MAD1L1: variants seen among roughly 807,000 people sequenced by gnomAD.
The protein encoded by MAD1L1 is mitotic arrest deficient 1 like 1, also known as mitotic spindle assembly checkpoint protein MAD1.
MAD1L1 carries 95 observed loss-of-function variants against 96.9 expected under a neutral mutation model. That is an observed-to-expected ratio of 0.98 (90% CI 0.83 to 1.16). The LOEUF (loss-of-function observed/expected upper bound fraction) is 1.16. MAD1L1 is among the 50% of genes most tolerant of loss of function. The pLI, the probability that MAD1L1 is intolerant of heterozygous loss-of-function variation, is 0.00. For missense variants in MAD1L1, 1,007 were observed against 954.4 expected (o/e 1.06, Z -0.73); for synonymous variants, 473 against 396.6 (o/e 1.19, Z -2.29).
chr7:1,897,281 C>T (rs1379261124), intron 18 of MAD1L1, among the ~76,000 whole-genome samples: 1 of 150,772 alleles, frequency 6.6e-6, no homozygotes, highest in African/African-American at 2.5e-5. Flanking sequence ...CATAAAGACA[C>T]GCAGAGGCTG....
intron 18 of MAD1L1, chr7:1,845,400 G>A (rs888214005): frequency 3.3e-5 from 5 of 152,302 alleles, no homozygotes; most frequent in African/African-American, 1.2e-4. Flanking sequence ...CAGCAGCTCG[G>A]AAACAAGCAG....
At chr7:1,901,524 G>C (rs549846798) in intron 17 of MAD1L1, among the ~76,000 whole-genome samples, 11 of 152,346 alleles carry the variant, frequency 7.2e-5, no homozygotes, top group Non-Finnish European at 1.5e-4. Context: ...GGCCCGACCT[G>C]CAACAGCAGT....
At chr7:1,936,944 G>A (rs184919339) in intron 16 of MAD1L1, 47 bp from the exon 17 acceptor site, 202 of 1,460,000 alleles carry the variant, frequency 1.4e-4, no homozygotes, top group South Asian at 1.3e-3. Flanking sequence ...AGGCACACAC[G>A]CAGCACGGGT....
intron 11 of MAD1L1, among the ~76,000 whole-genome samples, chr7:2,102,085 G>A (rs918351657): frequency 2.6e-5 from 4 of 151,976 alleles, no homozygotes; most frequent in African/African-American, 4.8e-5. Context: ...AGGTGAAAAC[G>A]CAGGCTAGGT....
chr7:2,125,338 A>C (rs1482288776), intron 11 of MAD1L1, among the ~76,000 whole-genome samples: 1 of 152,070 alleles, frequency 6.6e-6, no homozygotes, highest in Non-Finnish European at 1.5e-5. Flanking sequence ...GACAAAGAGG[A>C]CACAAGCAGC....
chr7:1,882,207 G>A (rs139786718), intron 18 of MAD1L1, among the ~76,000 whole-genome samples: 1,861 of 152,316 alleles, frequency 0.012, 19 homozygotes, highest in South Asian at 0.024. Context: ...CCCACACCCC[G>A]GGGTGCCTCG....
chr7:2,027,966 T>C (rs1323726521), intron 12 of MAD1L1, among the ~76,000 whole-genome samples: 1 of 152,168 alleles, frequency 6.6e-6, no homozygotes, highest in Non-Finnish European at 1.5e-5. Flanking sequence ...TACAAATAAA[T>C]TATTAAAATA....
At chr7:1,839,323 CTGG>C in intron 18 of MAD1L1, among the ~76,000 whole-genome samples, 1 of 60,222 alleles carries the variant, frequency 1.7e-5, no homozygotes, top group South Asian at 6.6e-4. Context: ...TGCCTCCTGC[CTGG>C]CAGGAAAGCG....
intron 10 of MAD1L1, among the ~76,000 whole-genome samples, chr7:2,160,909 T>C (rs1790076967): frequency 6.6e-6 from 1 of 152,184 alleles, no homozygotes; most frequent in Non-Finnish European, 1.5e-5. Flanking sequence ...ATAAAAATTT[T>C]ATAAAAAGAA....
At chr7:2,113,391 C>A (rs1488924740) in intron 11 of MAD1L1, among the ~76,000 whole-genome samples, 1 of 152,134 alleles carries the variant, frequency 6.6e-6, no homozygotes, top group African/African-American at 2.4e-5. Context: ...ACCAGCCCGA[C>A]TAACATGGCG....
chr7:2,224,859 G>A (rs191251869), intron 4 of MAD1L1, among the ~76,000 whole-genome samples: 54 of 152,192 alleles, frequency 3.5e-4, no homozygotes, highest in African/African-American at 6.7e-4. Flanking sequence ...CATTGAGACC[G>A]GCACCCTTTG....
intron 11 of MAD1L1, among the ~76,000 whole-genome samples, chr7:2,112,080 C>T (rs898180030): frequency 3.9e-5 from 6 of 152,180 alleles, no homozygotes; most frequent in East Asian, 1.9e-4. Context: ...CGAAAAGCAG[C>T]GCTGCGATTC....
chr7:2,060,146 C>T (rs1784578417), intron 12 of MAD1L1, among the ~76,000 whole-genome samples: 1 of 149,664 alleles, frequency 6.7e-6, no homozygotes, highest in Non-Finnish European at 1.5e-5. Context: ...TACGCAGATG[C>T]CAAGATACGC....
chr7:1,975,372 C>G (rs959002788), intron 15 of MAD1L1, among the ~76,000 whole-genome samples: 2 of 152,184 alleles, frequency 1.3e-5, no homozygotes, highest in Non-Finnish European at 2.9e-5. Flanking sequence ...CCAGACCCGG[C>G]CCAGCCAGCA....
rs781251085 is a variant in MAD1L1, at chr7:2,219,350, T to C, written c.578A>G (p.Gln193Arg). The change falls in exon 6 of 19, where the codon CAG (glutamine) becomes CGG (arginine). Residue 193 changes from glutamine (Q) to arginine (R), a missense_variant. Physicochemically the swap from Gln to Arg is conservative, Grantham distance 43. Coordinates refer to ENST00000265854, the MANE Select transcript of MAD1L1 (RefSeq NM_001013836.2). ...CGCCCACTTGTGTTGCAGGTCCAGC[T>C]GCTCCTGCAGCTCCTGCTTCTCCGA... ...LESEKQELQE[Q>R]LDLQHKKCQE... 4 of 1,586,254 alleles carry C rather than the reference T, an allele frequency of 2.5e-6. No individual in the cohort carries two copies. The highest frequency in any genetic ancestry group is 1.1e-5 in the South Asian group (1 of 87,538).
chr7:2,024,849 C>A (rs1782933208), intron 12 of MAD1L1, among the ~76,000 whole-genome samples: 1 of 152,238 alleles, frequency 6.6e-6, no homozygotes, highest in Admixed American at 6.5e-5. Flanking sequence ...ACCTAGATGG[C>A]TTCACTGATG....
intron 16 of MAD1L1, among the ~76,000 whole-genome samples, chr7:1,950,178 C>T (rs1190558950): frequency 6.6e-6 from 1 of 152,232 alleles, no homozygotes; most frequent in African/African-American, 2.4e-5. Context: ...CGAGCTGGGT[C>T]CCAGTTCCAC....
At chr7:1,891,700 C>A (rs995951109) in intron 18 of MAD1L1, among the ~76,000 whole-genome samples, 4 of 152,106 alleles carry the variant, frequency 2.6e-5, no homozygotes, top group African/African-American at 9.7e-5. Context: ...CCCGCCTCAG[C>A]CTCTGGAGTA....
intron 18 of MAD1L1, among the ~76,000 whole-genome samples, chr7:1,884,556 C>T (rs2128666137): frequency 6.6e-6 from 1 of 152,364 alleles, no homozygotes; most frequent in Non-Finnish European, 1.5e-5. Flanking sequence ...TTGCATCTTC[C>T]TGCCTCTCAG....
Sources: gnomAD v4.1 joint callset for allele counts (sites outside exome capture counted in the v4.1 genomes callset) on GRCh38, gnomAD v4.1.1 for gene constraint, MANE v1.5 for transcripts, NCBI Gene and HGNC (gene_info 2026-07-23, HGNC 2026-07-21) for gene names.